The following TEAD1 variants were observed in gnomAD, a reference collection of about 807,000 sequenced individuals.
The protein encoded by TEAD1 is transcriptional enhancer factor TEF-1.
In TEAD1, 9 loss-of-function variants were observed where a neutral mutation model predicts 54.9. The observed-to-expected ratio is 0.16, with a 90% confidence interval of 0.10 to 0.29. The LOEUF (loss-of-function observed/expected upper bound fraction) is 0.29, where lower values mean the gene tolerates loss of function less well. TEAD1 is among the 10% of genes least tolerant of loss of function. TEAD1 has a pLI of 1.00. For missense variants in TEAD1, 387 were observed against 535.9 expected (o/e 0.72, Z 2.74); for synonymous variants, 200 against 187.8 (o/e 1.07, Z -0.53).
At chr11:12,884,118 TTTCC>T (rs1948035689) in intron 9 of TEAD1, among the ~76,000 whole-genome samples, 1 of 152,148 alleles carries the variant, frequency 6.6e-6, no homozygotes, top group Non-Finnish European at 1.5e-5. Flanking sequence ...CACTTTCTTC[TTTCC>T]TACCTCCCCC....
intron 3 of TEAD1, among the ~76,000 whole-genome samples, chr11:12,859,536 AT>A (rs1376892150): frequency 6.6e-6 from 1 of 152,204 alleles, no homozygotes; most frequent in Non-Finnish European, 1.5e-5. Context: ...TTCAAGACAA[AT>A]TGCAAAATCT....
intron 3 of TEAD1, among the ~76,000 whole-genome samples, chr11:12,788,118 A>G (rs1040452156): frequency 1.3e-5 from 2 of 148,904 alleles, no homozygotes. Context: ...GGCACTCGCC[A>G]CCATGCCCAG....
intron 3 of TEAD1, among the ~76,000 whole-genome samples, chr11:12,839,964 C>T (rs1287613151): frequency 2.0e-5 from 3 of 151,874 alleles, no homozygotes; most frequent in Admixed American, 6.6e-5. Context: ...AGACCAGAAA[C>T]GGGCCTGGCG....
chr11:12,707,181 A>T (rs1449922201), intron 2 of TEAD1, among the ~76,000 whole-genome samples: 2 of 127,562 alleles, frequency 1.6e-5, no homozygotes, highest in Non-Finnish European at 3.1e-5. Flanking sequence ...TTGTGGTGCT[A>T]TACTTGTGCG....
chr11:12,736,845 A>T (rs1470446668), intron 2 of TEAD1, among the ~76,000 whole-genome samples: 1 of 152,216 alleles, frequency 6.6e-6, no homozygotes, highest in African/African-American at 2.4e-5. Flanking sequence ...CTCCTTTTGA[A>T]AAGTGCCTTT....
chr11:12,911,309 C>A (rs377124510), intron 10 of TEAD1, among the ~76,000 whole-genome samples: 1 of 152,120 alleles, frequency 6.6e-6, no homozygotes, highest in East Asian at 1.9e-4. Flanking sequence ...ACAGACCCCA[C>A]CCCCATTGGA....
chr11:12,832,377 A>G (rs980423396), intron 3 of TEAD1, among the ~76,000 whole-genome samples: 2 of 152,238 alleles, frequency 1.3e-5, no homozygotes, highest in African/African-American at 4.8e-5. Flanking sequence ...TTTTTGATAA[A>G]TTGTCCTCAA....
At chr11:12,902,850 G>T (rs1271111917) in intron 10 of TEAD1, among the ~76,000 whole-genome samples, 2 of 151,894 alleles carry the variant, frequency 1.3e-5, no homozygotes, top group South Asian at 2.1e-4. Context: ...TGTCTAGATG[G>T]ACTTTCTGCT....
At chr11:12,752,214 T>G (rs567806317) in intron 2 of TEAD1, among the ~76,000 whole-genome samples, 2,990 of 48,826 alleles carry the variant, frequency 0.061, 105 homozygotes, top group African/African-American at 0.22. Flanking sequence ...AACAGGGCAG[T>G]TTTTTTTTTT....
intron 10 of TEAD1, among the ~76,000 whole-genome samples, chr11:12,924,055 A>G (rs138079884): frequency 5.9e-5 from 9 of 152,244 alleles, no homozygotes; most frequent in African/African-American, 2.2e-4. Context: ...ACAAAATACA[A>G]TCTAAACTGT....
At chr11:12,835,476 A>ATTT (rs397971557) in intron 3 of TEAD1, among the ~76,000 whole-genome samples, 45 of 139,732 alleles carry the variant, frequency 3.2e-4, no homozygotes, top group African/African-American at 1.1e-3. Flanking sequence ...CACCCGGCTA[A>ATTT]TTTTTTTTTT....
At chr11:12,924,173 C>T (rs1378374144) in intron 10 of TEAD1, among the ~76,000 whole-genome samples, 2 of 152,198 alleles carry the variant, frequency 1.3e-5, no homozygotes, top group Non-Finnish European at 2.9e-5. Flanking sequence ...CCTTGGCCTG[C>T]ACTGTACCCC....
intron 2 of TEAD1, among the ~76,000 whole-genome samples, chr11:12,723,197 G>C (rs1342399956): frequency 2.0e-5 from 3 of 152,164 alleles, no homozygotes; most frequent in East Asian, 1.9e-4. Context: ...ACCAATTTCA[G>C]CATCTTGGCT....
intron 2 of TEAD1, among the ~76,000 whole-genome samples, chr11:12,742,955 C>T (rs1944675627): frequency 6.6e-6 from 1 of 152,158 alleles, no homozygotes; most frequent in Non-Finnish European, 1.5e-5. Flanking sequence ...AGGGTATTGT[C>T]TTTGAGCTGA....
At chr11:12,674,982 G>T (rs1943044586) in intron 1 of TEAD1, 148 bp downstream of exon 1, 1 of 147,916 alleles carries the variant, frequency 6.8e-6, no homozygotes, top group South Asian at 2.1e-4. Flanking sequence ...CCGCGGCCGG[G>T]CCCCCACACC....
intron 12 of TEAD1, 34 bp downstream of exon 12, chr11:12,930,360 T>TG: frequency 6.2e-7 from 1 of 1,613,472 alleles, no homozygotes; most frequent in South Asian, 1.1e-5. Context: ...TGTGGGCAGA[T>TG]GCTGCCATGA....
intron 10 of TEAD1, among the ~76,000 whole-genome samples, chr11:12,918,627 G>A (rs74955635): frequency 1.3e-5 from 2 of 152,042 alleles, no homozygotes; most frequent in African/African-American, 2.4e-5. Flanking sequence ...CTCTATGACC[G>A]AGTAATTACA....
intron 2 of TEAD1, among the ~76,000 whole-genome samples, chr11:12,707,955 C>T (rs1943855263): frequency 6.6e-6 from 1 of 152,218 alleles, no homozygotes; most frequent in Non-Finnish European, 1.5e-5. Context: ...GAGACTGCAG[C>T]ATGAAATCTC....
intron 2 of TEAD1, among the ~76,000 whole-genome samples, chr11:12,731,854 G>C (rs1005710275): frequency 1.3e-5 from 2 of 152,090 alleles, no homozygotes; most frequent in Non-Finnish European, 2.9e-5. Flanking sequence ...CTTTGTGCCC[G>C]TTTGCTGTCT....
Sources: gnomAD v4.1 joint callset for allele counts (sites outside exome capture counted in the v4.1 genomes callset) on GRCh38, gnomAD v4.1.1 for gene constraint, MANE v1.5 for transcripts, NCBI Gene and HGNC (gene_info 2026-07-23, HGNC 2026-07-21) for gene names.